PALM2AKAP2: variants seen among roughly 807,000 people sequenced by gnomAD.
The protein encoded by PALM2AKAP2 is PALM2-AKAP2 fusion protein.
Under a neutral mutation model 71.5 loss-of-function variants are expected in PALM2AKAP2, and 37 were observed. That is an observed-to-expected ratio of 0.52 (90% CI 0.40 to 0.68). The LOEUF is 0.68. Among genes scored for constraint, PALM2AKAP2 ranks in the 30% least tolerant of loss-of-function variants. The probability of loss-of-function intolerance (pLI) is 0.00; values close to 1 mark genes in which losing one functional copy is unlikely to be tolerated. For missense variants in PALM2AKAP2, 1,224 were observed against 1,191.8 expected, an observed-to-expected ratio of 1.03 and a Z score of -0.40; for synonymous variants, 468 against 478.8, an observed-to-expected ratio of 0.98 and a Z score of 0.29.
rs576154405 is a variant in PALM2AKAP2 at position 109,745,422 on chromosome 9, G to T, written c.6-35066G>T. On this transcript the variant is annotated intron_variant, in intron 1 of 6. Coordinates refer to the PALM2AKAP2 transcript ENST00000374531. ...ATTTCTTCTGAGGCTTGGCTTCTAGGTTGGAGTGAATGCTGCCTCACTTCT... is the reference window on the plus strand; with the variant it reads ...ATTTCTTCTGAGGCTTGGCTTCTAGTTTGGAGTGAATGCTGCCTCACTTCT... 2.0e-5 allele frequency among the ~76,000 whole-genome samples: 3 copies of T among 152,170 alleles called. No homozygotes were observed. The East Asian group carries it at 5.8e-4, about 29-fold the overall frequency.
At chr9:109,918,705 G>C (rs984621824) in intron 3 of PALM2AKAP2, among the ~76,000 whole-genome samples, 7 of 152,194 alleles carry the variant, frequency 4.6e-5, no homozygotes, top group African/African-American at 1.7e-4. Flanking sequence ...TTTGCCCCAG[G>C]ACTCAGGTTT....
chr9:109,706,789 G>C (rs1480464632), intron 1 of PALM2AKAP2, among the ~76,000 whole-genome samples: 2 of 152,174 alleles, frequency 1.3e-5, no homozygotes, highest in Non-Finnish European at 2.9e-5. Flanking sequence ...CACGCTAAAT[G>C]AAAGAAGCAA....
At chr9:109,773,083 A>C (rs1491004234) in intron 1 of PALM2AKAP2, among the ~76,000 whole-genome samples, 5 of 151,704 alleles carry the variant, frequency 3.3e-5, no homozygotes, top group Non-Finnish European at 5.9e-5. Flanking sequence ...GTGCCACTGC[A>C]CTCCAGTCTG....
Position 109,924,979 on chromosome 9 carries a change from G to A in PALM2AKAP2, c.373-82G>A, listed in dbSNP as rs372694439. ...TGGGCTGGGGCATGGGAGAAAGATGGGTTAAGTCTTTAAAGATGGGAAAAG... is the reference window on the plus strand; with the variant it reads ...TGGGCTGGGGCATGGGAGAAAGATGAGTTAAGTCTTTAAAGATGGGAAAAG... On this transcript the variant is annotated intron_variant, in intron 4 of 9. Coordinates refer to the PALM2AKAP2 transcript ENST00000302798. The A allele has an allele frequency of 2.7e-5, 44 of 1,600,896 alleles. No individual in the cohort carries two copies. In the South Asian group the frequency reaches 4.3e-4, roughly 16 times the overall value.
chr9:109,822,503 C>T (rs1828036779), intron 1 of PALM2AKAP2, among the ~76,000 whole-genome samples: 1 of 152,114 alleles, frequency 6.6e-6, no homozygotes, highest in Non-Finnish European at 1.5e-5. Flanking sequence ...CCTGAAGGTA[C>T]TTTTTGGACC....
chr9:109,960,422 G>A (rs1831832698), intron 6 of PALM2AKAP2, among the ~76,000 whole-genome samples: 1 of 152,194 alleles, frequency 6.6e-6, no homozygotes, highest in African/African-American at 2.4e-5. Context: ...GATCTCTGAA[G>A]TAGTTGACTT....
chr9:109,722,761 G>A (rs1257778855), intron 1 of PALM2AKAP2, among the ~76,000 whole-genome samples: 1 of 152,162 alleles, frequency 6.6e-6, no homozygotes, highest in African/African-American at 2.4e-5. Flanking sequence ...GACAGAGTGA[G>A]ACCCTGTCTC....
intron 1 of PALM2AKAP2, among the ~76,000 whole-genome samples, chr9:109,855,255 TAG>T (rs1022319035): frequency 6.6e-6 from 1 of 152,064 alleles, no homozygotes; most frequent in Non-Finnish European, 1.5e-5. Context: ...GCATTTTTTG[TAG>T]AGATGGGGTT....
chr9:109,813,233 T>C (rs1195952036), intron 1 of PALM2AKAP2, among the ~76,000 whole-genome samples: 1 of 152,216 alleles, frequency 6.6e-6, no homozygotes, highest in Non-Finnish European at 1.5e-5. Flanking sequence ...GGAAAACCAC[T>C]GTGTGGCTGC....
At chr9:109,746,218 G>T (rs1828798995) in intron 1 of PALM2AKAP2, among the ~76,000 whole-genome samples, 1 of 152,182 alleles carries the variant, frequency 6.6e-6, no homozygotes, top group Non-Finnish European at 1.5e-5. Context: ...CTGTGCTCTT[G>T]GTCCCAGGAT....
intron 1 of PALM2AKAP2, among the ~76,000 whole-genome samples, chr9:109,814,050 G>T (rs1827791417): frequency 6.6e-6 from 1 of 152,178 alleles, no homozygotes. Flanking sequence ...CTTTGAATTT[G>T]TGCAAATACC....
chr9:110,096,697 G>T (rs1257018268), intron 1 of PALM2AKAP2, among the ~76,000 whole-genome samples: 1 of 151,816 alleles, frequency 6.6e-6, no homozygotes, highest in Non-Finnish European at 1.5e-5. Context: ...TGTCCAAAAT[G>T]AGGAGATGCA....
chr9:110,048,719 G>A, exon 1 of PALM2AKAP2: 1 of 1,548,012 alleles, frequency 6.5e-7, no homozygotes, highest in Non-Finnish European at 8.7e-7. Context: ...CCCCAGCCCG[G>A]GGCTGCCGCT....
At chr9:109,720,892 G>C (rs1037146777) in intron 1 of PALM2AKAP2, among the ~76,000 whole-genome samples, 6 of 152,196 alleles carry the variant, frequency 3.9e-5, no homozygotes, top group Non-Finnish European at 8.8e-5. Context: ...TAGGGATAGA[G>C]CAGTAAGCCA....
chr9:109,714,371 C>G (rs1022530954), intron 1 of PALM2AKAP2, among the ~76,000 whole-genome samples: 3 of 152,212 alleles, frequency 2.0e-5, no homozygotes, highest in Non-Finnish European at 4.4e-5. Flanking sequence ...ACTGGGAGCT[C>G]TCATCACTCC....
intron 1 of PALM2AKAP2, among the ~76,000 whole-genome samples, chr9:110,060,249 A>T (rs2118470463): frequency 6.6e-6 from 1 of 152,156 alleles, no homozygotes; most frequent in East Asian, 1.9e-4. Flanking sequence ...AGTAGCTGAG[A>T]CAACAGGTGC....
At chr9:109,978,615 G>A (rs1222002727) in intron 6 of PALM2AKAP2, among the ~76,000 whole-genome samples, 1 of 152,190 alleles carries the variant, frequency 6.6e-6, no homozygotes, top group Non-Finnish European at 1.5e-5. Context: ...CACAGGCCAA[G>A]GCTCTACCTC....
intron 2 of PALM2AKAP2, among the ~76,000 whole-genome samples, chr9:109,879,264 G>A (rs1392582133): frequency 6.6e-6 from 1 of 152,228 alleles, no homozygotes; most frequent in East Asian, 1.9e-4. Context: ...ATGCCAGTGA[G>A]CCAGGGAGCC....
At chr9:110,167,872 G>A (rs1836774628) in intron 3 of PALM2AKAP2, among the ~76,000 whole-genome samples, 1 of 152,066 alleles carries the variant, frequency 6.6e-6, no homozygotes, top group Admixed American at 6.5e-5. Flanking sequence ...ATAGTGTGCT[G>A]TCTAATATGG....
Sources: allele counts gnomAD v4.1 joint callset (sites outside exome capture counted in the v4.1 genomes callset), GRCh38; gene constraint gnomAD v4.1.1; transcripts MANE v1.5; gene names NCBI Gene and HGNC (gene_info 2026-07-23, HGNC 2026-07-21).